TEX14: variants seen among roughly 807,000 people sequenced by gnomAD.
TEX14 encodes the protein testis expressed 14, intercellular bridge forming factor, also known as inactive serine/threonine-protein kinase TEX14.
TEX14 carries 168 observed loss-of-function variants against 178.6 expected under a neutral mutation model. The ratio of observed to expected loss-of-function variants is 0.94; its 90% CI spans 0.83 to 1.07. The LOEUF is 1.07. TEX14 is among the 50% of genes least tolerant of loss of function. The pLI is 0.00. For missense variants in TEX14, 1,730 were observed against 1,753.6 expected (o/e 0.99, Z 0.24); for synonymous variants, 626 against 634.1 (o/e 0.99, Z 0.19).
chr17:58,590,416 G>A (rs1368678282), intron 15 of TEX14, among the ~76,000 whole-genome samples: 1 of 152,102 alleles, frequency 6.6e-6, no homozygotes, highest in Non-Finnish European at 1.5e-5. Context: ...AATCCATCCT[G>A]AGGAAATAAT....
intron 16 of TEX14, 53 bp downstream of exon 16, chr17:58,587,843 A>ACCCCCCCCCCCCCCCC: frequency 1.8e-6 from 2 of 1,118,806 alleles, no homozygotes; most frequent in Non-Finnish European, 1.4e-6. Context: ...GGGTGCCAGA[A>ACCCCCCCCCCCCCCCC]CCCACCCCCA....
At chr17:58,590,243 T>C (rs2045094443) in intron 15 of TEX14, among the ~76,000 whole-genome samples, 1 of 115,516 alleles carries the variant, frequency 8.7e-6, no homozygotes, top group Non-Finnish European at 1.6e-5. Context: ...CCTGGCGACA[T>C]AGCAAGACTC....
chr17:58,574,484 T>A (rs1274479573), intron 21 of TEX14, among the ~76,000 whole-genome samples: 1 of 152,020 alleles, frequency 6.6e-6, no homozygotes, highest in East Asian at 1.9e-4. Flanking sequence ...GAGACCATCC[T>A]GGCCAACATG....
intron 1 of TEX14, among the ~76,000 whole-genome samples, chr17:58,662,845 C>T (rs992809430): frequency 2.0e-5 from 3 of 152,090 alleles, no homozygotes; most frequent in African/African-American, 7.2e-5. Context: ...TGTGACCGGG[C>T]GCGGTGGCTC....
At chr17:58,682,605 G>A (rs369732341) in intron 1 of TEX14, among the ~76,000 whole-genome samples, 1 of 151,608 alleles carries the variant, frequency 6.6e-6, no homozygotes. Flanking sequence ...ACAAAATGTT[G>A]ATAATTTACA....
chr17:58,691,666 C>CAAAAA (rs34546660), intron 1 of TEX14, among the ~76,000 whole-genome samples: 2 of 107,086 alleles, frequency 1.9e-5, no homozygotes, highest in Non-Finnish European at 3.7e-5. Flanking sequence ...GACTCTGTCT[C>CAAAAA]AAAAAAAAAA....
At chr17:58,585,377 G>C (rs1003657132) in intron 18 of TEX14, among the ~76,000 whole-genome samples, 1 of 152,136 alleles carries the variant, frequency 6.6e-6, no homozygotes, top group African/African-American at 2.4e-5. Context: ...AGTAGGAAAG[G>C]AGAGAGGACC....
At chr17:58,683,890 C>A (rs2047545137) in intron 1 of TEX14, among the ~76,000 whole-genome samples, 1 of 150,548 alleles carries the variant, frequency 6.6e-6, no homozygotes, top group Admixed American at 6.7e-5. Flanking sequence ...CATGATGAAA[C>A]CCCATCTCTA....
In TEX14 at chr17:58,631,443, C is replaced by T. The variant is rs547302022; in HGVS notation, c.137-889G>A. 4.4e-4 allele frequency among the ~76,000 whole-genome samples: 67 copies of T among 152,206 alleles called. 1 individual carries two copies. Among genetic ancestry groups the T allele is most frequent in the African/African-American group, 1.5e-3 (61 of 41,544 alleles). On this transcript the variant is annotated intron_variant, in intron 2 of 31. Transcript: ENST00000349033. The stretch of plus-strand genomic sequence containing the variant: ...ACTCCAGGACCACAGAAAAAAGCCC[C>T]AGCTCAAAAATAAAAATGCACATAT...
chr17:58,603,887 CTGTGTGTGTGTGTGTGTGTG>C (rs71143257), intron 11 of TEX14, among the ~76,000 whole-genome samples: 1,287 of 105,290 alleles, frequency 0.012, 28 homozygotes, highest in Middle Eastern at 0.043. Flanking sequence ...TGTGATTTTA[CTGTGTGTGTGTGTGTGTGTG>C]TGTGTGTGTG....
chr17:58,565,893 T>C, intron 26 of TEX14, 69 bp from the exon 27 acceptor site: 1 of 1,276,952 alleles, frequency 7.8e-7, no homozygotes, highest in Non-Finnish European at 1.1e-6. Context: ...TCTAGAGCAG[T>C]GGTTCTCCAA....
chr17:58,588,729 G>C (rs572798488), intron 15 of TEX14, among the ~76,000 whole-genome samples: 8 of 152,186 alleles, frequency 5.3e-5, no homozygotes, highest in East Asian at 1.9e-4. Flanking sequence ...CTAGGCCAAG[G>C]CTTCCTCATT....
At chr17:58,580,799 T>C (rs888305635) in intron 19 of TEX14, among the ~76,000 whole-genome samples, 5 of 151,530 alleles carry the variant, frequency 3.3e-5, no homozygotes, top group Admixed American at 2.0e-4. Flanking sequence ...GTACAGGAGG[T>C]TCTTGTAAAA....
Position 58,611,281 on chromosome 17 carries a change from G to C in TEX14, c.1064C>G (p.Ser355Cys), listed in dbSNP as rs1162949249. The change falls in exon 10 of 32, where the codon TCT becomes TGT. Residue 355 changes from serine (S) to cysteine (C), a missense_variant. Coordinates refer to ENST00000349033, the MANE Select transcript of TEX14 (RefSeq NM_031272.5). The part of the protein sequence containing the change: ...EVIVHLLLQI[S>C]DALRYLHFQG... ...GAAATGCAGGTATCTCAGGGCATCA[G>C]ATATCTGGAGCAGCAGGTGCACAAT... 1 of 1,613,390 alleles carries C rather than the reference G, an allele frequency of 6.2e-7. No individual in the cohort carries two copies.
chr17:58,591,347 A>G (rs1227760619), intron 15 of TEX14, among the ~76,000 whole-genome samples: 1 of 152,056 alleles, frequency 6.6e-6, no homozygotes, highest in Non-Finnish European at 1.5e-5. Context: ...GAGAAACTCC[A>G]TCTCTACTAA....
At chr17:58,561,714 T>G (rs1381129563) in intron 28 of TEX14, 102 bp from the exon 29 acceptor site, 1 of 757,906 alleles carries the variant, frequency 1.3e-6, no homozygotes, top group Non-Finnish European at 2.3e-6. Flanking sequence ...TTAAAACCTG[T>G]GCTTTCACTA....
At chr17:58,653,601 A>G (rs1164557572) in intron 1 of TEX14, among the ~76,000 whole-genome samples, 1 of 152,178 alleles carries the variant, frequency 6.6e-6, no homozygotes, top group East Asian at 1.9e-4. Context: ...GGTTCCTTAT[A>G]AAAGGATGTG....
chr17:58,605,561 G>A (rs575963599), intron 10 of TEX14, among the ~76,000 whole-genome samples: 5 of 151,998 alleles, frequency 3.3e-5, no homozygotes, highest in Admixed American at 2.6e-4. Flanking sequence ...TATTCCACCC[G>A]GGCCCTCTCC....
intron 10 of TEX14, among the ~76,000 whole-genome samples, chr17:58,607,967 G>C (rs2045649253): frequency 6.6e-6 from 1 of 152,174 alleles, no homozygotes; most frequent in Non-Finnish European, 1.5e-5. Flanking sequence ...GGGCAAAAGA[G>C]AGAGATCCTG....
Sources: allele counts gnomAD v4.1 joint callset (sites outside exome capture counted in the v4.1 genomes callset), GRCh38; gene constraint gnomAD v4.1.1; transcripts MANE v1.5; gene names NCBI Gene and HGNC (gene_info 2026-07-23, HGNC 2026-07-21).